MAP4K4: variants seen among roughly 807,000 people sequenced by gnomAD.
The protein encoded by MAP4K4 is mitogen-activated protein kinase kinase kinase kinase 4.
MAP4K4 carries 38 observed loss-of-function variants against 189.6 expected under a neutral mutation model. The observed-to-expected ratio is 0.20, with a 90% CI of 0.15 to 0.26. The LOEUF (loss-of-function observed/expected upper bound fraction) is 0.26. Among genes scored for constraint, MAP4K4 ranks in the 10% least tolerant of loss-of-function variants. The pLI, the probability that MAP4K4 is intolerant of heterozygous loss-of-function variation, is 1.00. For synonymous variants in MAP4K4, 610 were observed against 624.3 expected (o/e 0.98, Z 0.34); for missense variants, 1,054 against 1,726.9 (o/e 0.61, Z 6.91).
rs556689289 is a variant in MAP4K4 at position 101,866,677 on chromosome 2, C to T, written c.2356+98C>T. ...AATCTGTAGTTTGCGTGTAGCCACA[C>T]GTCACAAAACAATGTTTTAGCATAG... On this transcript the variant is annotated intron_variant, in intron 19 of 32. Transcript: ENST00000324219. The T allele has an allele frequency of 2.7e-5, 38 of 1,406,272 alleles. No homozygotes were observed. In the East Asian group the frequency reaches 5.8e-4, roughly 22 times the overall value. The allele number at this position is 1,406,272 out of a possible 1,614,324, so 87.1% of individuals were successfully genotyped here. A position where few individuals can be genotyped will look rare whatever the true frequency, so the allele number is the denominator to read the frequency against.
chr2:101,857,191 T>C (rs956827840), intron 13 of MAP4K4, among the ~76,000 whole-genome samples: 1 of 152,194 alleles, frequency 6.6e-6, no homozygotes, highest in Non-Finnish European at 1.5e-5. Flanking sequence ...TCTTTAATGC[T>C]CTAGTGGCAG....
At chr2:101,829,549 A>G in exon 6 of MAP4K4, 1 of 1,612,074 alleles carries the variant, frequency 6.2e-7, no homozygotes, top group Admixed American at 1.7e-5. Context: ...CCGGGATATC[A>G]AGGGCCAGAA....
chr2:101,720,112 A>T (rs186111085), intron 2 of MAP4K4, among the ~76,000 whole-genome samples: 3 of 152,066 alleles, frequency 2.0e-5, no homozygotes, highest in African/African-American at 7.2e-5. Context: ...AAATGTCTGG[A>T]CAGAGATTTG....
intron 3 of MAP4K4, among the ~76,000 whole-genome samples, chr2:101,810,047 A>G (rs1267693595): frequency 6.6e-6 from 1 of 152,254 alleles, no homozygotes; most frequent in Non-Finnish European, 1.5e-5. Context: ...GTGTACTTGT[A>G]TCACTTAGTC....
intron 2 of MAP4K4, among the ~76,000 whole-genome samples, chr2:101,783,183 A>T (rs2088652440): frequency 6.8e-6 from 1 of 147,774 alleles, no homozygotes; most frequent in South Asian, 2.1e-4. Context: ...GCTCTCTGGG[A>T]TTTCTTTCTA....
At chr2:101,847,979 G>A (rs890731372) in intron 12 of MAP4K4, among the ~76,000 whole-genome samples, 4 of 152,074 alleles carry the variant, frequency 2.6e-5, no homozygotes, top group Admixed American at 6.6e-5. Flanking sequence ...CCATTGTATT[G>A]CAGTTACTTA....
chr2:101,887,371 T>TA, intron 30 of MAP4K4, 134 bp downstream of exon 30: 1 of 852,616 alleles, frequency 1.2e-6, no homozygotes, highest in Non-Finnish European at 1.7e-6. Flanking sequence ...ATTTAAATGA[T>TA]ACGCAATTTT....
chr2:101,858,932 A>G (rs2149817764), intron 13 of MAP4K4, 64 bp from the exon 14 acceptor site: 4 of 1,227,196 alleles, frequency 3.3e-6, no homozygotes, highest in Non-Finnish European at 4.8e-6. Flanking sequence ...TTGGTGCTCC[A>G]TTCAGGTGGT....
chr2:101,857,602 T>C (rs568220935), intron 13 of MAP4K4, among the ~76,000 whole-genome samples: 1 of 152,276 alleles, frequency 6.6e-6, no homozygotes, highest in Non-Finnish European at 1.5e-5. Flanking sequence ...CTAGGGTAGG[T>C]ATTGCTGTAG....
chr2:101,816,285 C>T (rs955714860), intron 3 of MAP4K4, among the ~76,000 whole-genome samples: 1 of 152,144 alleles, frequency 6.6e-6, no homozygotes, highest in Non-Finnish European at 1.5e-5. Flanking sequence ...GCCAAAGTTC[C>T]CTTCATTCTT....
intron 3 of MAP4K4, among the ~76,000 whole-genome samples, chr2:101,806,474 C>G (rs1041302200): frequency 2.7e-5 from 4 of 150,528 alleles, no homozygotes; most frequent in Non-Finnish European, 5.9e-5. Context: ...CTCCCAGGTT[C>G]AAGCATTTCT....
chr2:101,801,081 C>T (rs751776294), intron 3 of MAP4K4, among the ~76,000 whole-genome samples: 5 of 152,160 alleles, frequency 3.3e-5, no homozygotes, highest in African/African-American at 4.8e-5. Context: ...TCTCCTTTCC[C>T]CAGCTGCTGC....
intron 2 of MAP4K4, among the ~76,000 whole-genome samples, chr2:101,785,209 A>G (rs767246003): frequency 5.9e-5 from 9 of 152,184 alleles, no homozygotes; most frequent in Non-Finnish European, 1.2e-4. Context: ...CTTCTCTCCT[A>G]TTCTTAGGCT....
At chr2:101,705,785 C>G (rs1160455070) in intron 2 of MAP4K4, among the ~76,000 whole-genome samples, 1 of 152,138 alleles carries the variant, frequency 6.6e-6, no homozygotes, top group Non-Finnish European at 1.5e-5. Flanking sequence ...TCTTAGTAAA[C>G]TGTGGGTGGT....
chr2:101,773,099 G>T (rs2082266557), intron 2 of MAP4K4, among the ~76,000 whole-genome samples: 1 of 152,156 alleles, frequency 6.6e-6, no homozygotes, highest in African/African-American at 2.4e-5. Flanking sequence ...TTGACCCTCG[G>T]CACTTCTCCT....
chr2:101,745,332 C>A (rs1022079096), intron 2 of MAP4K4, among the ~76,000 whole-genome samples: 1 of 125,538 alleles, frequency 8.0e-6, no homozygotes, highest in Non-Finnish European at 1.6e-5. Context: ...AATATCACCC[C>A]CCCCCCCCCA....
At chr2:101,878,439 A>G (rs972474347) in intron 27 of MAP4K4, among the ~76,000 whole-genome samples, 4 of 152,184 alleles carry the variant, frequency 2.6e-5, no homozygotes, top group African/African-American at 9.7e-5. Flanking sequence ...TGTCCAAAAC[A>G]CGTAGTCTGC....
chr2:101,892,310 T>A (rs1217639150), exon 33 of MAP4K4: 1 of 152,908 alleles, frequency 6.5e-6, no homozygotes, highest in Non-Finnish European at 1.5e-5. Flanking sequence ...AACGACCAGA[T>A]TGAAGTTTGA....
chr2:101,759,475 TCTCCCCTCCC>T (rs1298277617), intron 2 of MAP4K4, among the ~76,000 whole-genome samples: 3 of 100,516 alleles, frequency 3.0e-5, no homozygotes, highest in East Asian at 6.0e-4. Context: ...TCCCTTTCCC[TCTCCCCTCCC>T]CTCCCCTCTC....
Sources: allele counts gnomAD v4.1 joint callset (sites outside exome capture counted in the v4.1 genomes callset), GRCh38; gene constraint gnomAD v4.1.1; transcripts MANE v1.5; gene names NCBI Gene and HGNC (gene_info 2026-07-23, HGNC 2026-07-21).